Variants in CDKAL1 observed in about 807,000 individuals in gnomAD.
The protein encoded by CDKAL1 is threonylcarbamoyladenosine tRNA methylthiotransferase.
In CDKAL1, 32 loss-of-function variants were observed where a neutral mutation model predicts 68.2. That is an observed-to-expected ratio of 0.47 (90% CI 0.35 to 0.63). The LOEUF is 0.63. CDKAL1 is among the 30% of genes least tolerant of loss of function. CDKAL1 has a pLI of 0.00. For synonymous variants in CDKAL1, 234 were observed against 244.3 expected, an observed-to-expected ratio of 0.96 and a Z score of 0.39; for missense variants, 606 against 696.7, an observed-to-expected ratio of 0.87 and a Z score of 1.47.
At chr6:21,083,217 A>G (rs952704398) in intron 12 of CDKAL1, among the ~76,000 whole-genome samples, 1 of 152,120 alleles carries the variant, frequency 6.6e-6, no homozygotes, top group Non-Finnish European at 1.5e-5. Context: ...TTAATTTTAT[A>G]CAATGTTTTT....
chr6:20,844,889 T>G (rs779311211), intron 8 of CDKAL1, among the ~76,000 whole-genome samples: 1 of 152,142 alleles, frequency 6.6e-6, no homozygotes, highest in Non-Finnish European at 1.5e-5. Flanking sequence ...GAACCTCTAT[T>G]TGTAAGAGAA....
chr6:20,807,658 CA>C (rs1421282045), intron 8 of CDKAL1, among the ~76,000 whole-genome samples: 1 of 151,520 alleles, frequency 6.6e-6, no homozygotes, highest in Admixed American at 6.6e-5. Context: ...AAATTAAAAG[CA>C]AAATGGCACT....
intron 10 of CDKAL1, among the ~76,000 whole-genome samples, chr6:20,967,730 T>G (rs1223688497): frequency 6.6e-6 from 1 of 152,226 alleles, no homozygotes; most frequent in Non-Finnish European, 1.5e-5. Flanking sequence ...TTCCTGTGGA[T>G]TGGAGAGTCC....
rs1338964642 is a variant in CDKAL1 at position 21,052,497 on chromosome 6, C to T, written c.1056-12551C>T. ...CTGAATAGCTGAGACTATAGACACA[C>T]ACCACCACACCTGGCTAATTTAAAT... is the stretch of plus-strand genomic sequence containing the variant. On this transcript the variant is annotated intron_variant, in intron 11 of 15. Transcript: ENST00000274695. Among the ~76,000 whole-genome samples, 6 of 151,894 alleles carry T rather than the reference C, an allele frequency of 4.0e-5. No individual in the cohort carries two copies. In the East Asian group the frequency reaches 5.8e-4, roughly 15 times the overall value.
chr6:21,000,144 C>T (rs1767352116), intron 10 of CDKAL1, 83 bp from the exon 11 acceptor site: 1 of 1,026,608 alleles, frequency 9.7e-7, no homozygotes, highest in South Asian at 1.6e-5. Flanking sequence ...TGTTTATTTG[C>T]TTGCGCTTGT....
intron 4 of CDKAL1, among the ~76,000 whole-genome samples, chr6:20,580,106 C>T (rs143897469): frequency 6.6e-6 from 1 of 152,018 alleles, no homozygotes; most frequent in Non-Finnish European, 1.5e-5. Context: ...TGTGAATGTA[C>T]GTATGTTTGA....
At chr6:21,189,787 A>G (rs1778161772) in intron 13 of CDKAL1, among the ~76,000 whole-genome samples, 1 of 152,222 alleles carries the variant, frequency 6.6e-6, no homozygotes, top group Non-Finnish European at 1.5e-5. Context: ...CGTTTTTAGC[A>G]TAAGTATGCC....
intron 4 of CDKAL1, among the ~76,000 whole-genome samples, chr6:20,592,049 A>G (rs566518156): frequency 4.1e-4 from 62 of 152,202 alleles, no homozygotes; most frequent in Middle Eastern, 3.4e-3. Context: ...TATTTCCTTG[A>G]GCAGCGGTTT....
chr6:20,905,822 C>A (rs1762206191), intron 9 of CDKAL1, among the ~76,000 whole-genome samples: 1 of 152,114 alleles, frequency 6.6e-6, no homozygotes, highest in Non-Finnish European at 1.5e-5. Context: ...ACAAAACAAA[C>A]CCAGACAGCC....
At chr6:20,893,258 G>A (rs1761505746) in intron 9 of CDKAL1, among the ~76,000 whole-genome samples, 1 of 152,114 alleles carries the variant, frequency 6.6e-6, no homozygotes, top group African/African-American at 2.4e-5. Flanking sequence ...CATTCAAGTT[G>A]CTGCACTGAA....
In CDKAL1 at chr6:21,203,622, C is replaced by T. The variant is rs570363916; in HGVS notation, c.1548+2348C>T. ...TGAACTCCAGGCCTCAAACGGTCCT[C>T]CCACCTTGGTCTCCCTGGCATCTAA... On this transcript the variant is annotated intron_variant, in intron 15 of 15. Transcript: ENST00000274695. Among the ~76,000 whole-genome samples the T allele has an allele frequency of 2.0e-4, 30 of 151,798 alleles. 1 individual carries two copies. Among genetic ancestry groups the T allele is most frequent in the African/African-American group, 7.0e-4 (29 of 41,380 alleles).
intron 4 of CDKAL1, among the ~76,000 whole-genome samples, chr6:20,549,870 G>A (rs1425312983): frequency 1.3e-5 from 2 of 152,102 alleles, no homozygotes; most frequent in African/African-American, 4.8e-5. Flanking sequence ...GCCTCCCAAA[G>A]TGCGGGGATT....
chr6:20,881,527 A>G (rs1222903729), intron 9 of CDKAL1, among the ~76,000 whole-genome samples: 2 of 152,184 alleles, frequency 1.3e-5, no homozygotes, highest in Non-Finnish European at 2.9e-5. Context: ...TGGGCAAGCT[A>G]TTGACTTGGC....
chr6:21,224,077 T>C (rs1779637662), intron 15 of CDKAL1, among the ~76,000 whole-genome samples: 1 of 152,186 alleles, frequency 6.6e-6, no homozygotes, highest in South Asian at 2.1e-4. Flanking sequence ...TCTGGTGGGA[T>C]GCAAGCTTGG....
At chr6:20,662,588 T>C (rs1330786709) in intron 5 of CDKAL1, among the ~76,000 whole-genome samples, 1 of 152,178 alleles carries the variant, frequency 6.6e-6, no homozygotes, top group African/African-American at 2.4e-5. Context: ...TATTAATACC[T>C]GTCATTTCTT....
At chr6:20,761,009 A>G (rs1774436697) in intron 7 of CDKAL1, among the ~76,000 whole-genome samples, 1 of 152,214 alleles carries the variant, frequency 6.6e-6, no homozygotes, top group African/African-American at 2.4e-5. Context: ...AAATACACAT[A>G]TGATAAAGGG....
chr6:21,098,696 C>CA (rs1178646349), intron 12 of CDKAL1, among the ~76,000 whole-genome samples: 1 of 151,992 alleles, frequency 6.6e-6, no homozygotes, highest in Admixed American at 6.6e-5. Flanking sequence ...TCTGGAAGCA[C>CA]ATAGTTGAGT....
At chr6:20,789,206 C>T (rs1775797980) in intron 8 of CDKAL1, among the ~76,000 whole-genome samples, 1 of 152,288 alleles carries the variant, frequency 6.6e-6, no homozygotes, top group South Asian at 2.1e-4. Flanking sequence ...CTAAAATTTG[C>T]AGCCTTTTTT....
chr6:21,123,372 T>C (rs963429388), intron 13 of CDKAL1, among the ~76,000 whole-genome samples: 16 of 152,140 alleles, frequency 1.1e-4, no homozygotes, highest in Non-Finnish European at 1.2e-4. Context: ...GAAGGATCAC[T>C]TGAGCCTGGG....
Sources: gnomAD v4.1 joint callset for allele counts (sites outside exome capture counted in the v4.1 genomes callset) on GRCh38, gnomAD v4.1.1 for gene constraint, MANE v1.5 for transcripts, NCBI Gene and HGNC (gene_info 2026-07-23, HGNC 2026-07-21) for gene names.